MYH10: variants seen among roughly 807,000 people sequenced by gnomAD.
The protein encoded by MYH10 is myosin-10.
Under a neutral mutation model 257.8 loss-of-function variants are expected in MYH10, and 55 were observed. The ratio of observed to expected loss-of-function variants is 0.21; its 90% CI spans 0.17 to 0.27. The LOEUF (loss-of-function observed/expected upper bound fraction) is 0.27, where lower values mean the gene tolerates loss of function less well. Ranked by LOEUF, MYH10 falls within the 10% of genes least tolerant of loss-of-function variation. MYH10 has a pLI of 1.00. For missense variants in MYH10, 1,631 were observed against 2,500.6 expected, an observed-to-expected ratio of 0.65 and a Z score of 7.42; for synonymous variants, 854 against 921.7, an observed-to-expected ratio of 0.93 and a Z score of 1.33.
At chr17:8,493,910 C>T (rs1425650817) in intron 31 of MYH10, 25 bp from the exon 32 acceptor site, 4 of 1,586,908 alleles carry the variant, frequency 2.5e-6, no homozygotes, top group Non-Finnish European at 3.4e-6. Flanking sequence ...TAAAGGGCAA[C>T]ACTTCCATTA....
intron 7 of MYH10, among the ~76,000 whole-genome samples, chr17:8,557,044 C>G (rs1002074238): frequency 6.6e-6 from 1 of 152,052 alleles, no homozygotes; most frequent in Admixed American, 6.6e-5. Context: ...CTTTTACTTA[C>G]GACTTTAGGG....
intron 1 of MYH10, 182 bp from the exon 2 acceptor site, chr17:8,623,459 A>G (rs2085545134): frequency 7.5e-6 from 3 of 400,686 alleles, no homozygotes; most frequent in Non-Finnish European, 1.2e-5. Context: ...GTGACCACAA[A>G]TTATGGCTCT....
chr17:8,511,029 T>TATATATAC (rs1555578916), intron 24 of MYH10: 31 of 4,552 alleles, frequency 6.8e-3, no homozygotes, highest in Non-Finnish European at 0.04. Flanking sequence ...TATATATATA[T>TATATATAC]ATATATATAT....
intron 7 of MYH10, among the ~76,000 whole-genome samples, chr17:8,555,766 C>A (rs892648954): frequency 6.6e-6 from 1 of 152,072 alleles, no homozygotes; most frequent in African/African-American, 2.4e-5. Context: ...AAAGCATGAA[C>A]CATAAAATTA....
intron 7 of MYH10, chr17:8,561,046 A>T: frequency 1.7e-6 from 1 of 575,258 alleles, no homozygotes; most frequent in South Asian, 2.1e-5. Context: ...CCACTTGCTC[A>T]CAATATCCTG....
chr17:8,520,323 C>T (rs999938921), intron 19 of MYH10, among the ~76,000 whole-genome samples: 3 of 151,902 alleles, frequency 2.0e-5, no homozygotes, highest in African/African-American at 7.3e-5. Flanking sequence ...AGTGAAACCC[C>T]GTCTCTACTA....
At chr17:8,608,485 T>G (rs1188827183) in intron 2 of MYH10, among the ~76,000 whole-genome samples, 1 of 152,198 alleles carries the variant, frequency 6.6e-6, no homozygotes, top group Non-Finnish European at 1.5e-5. Flanking sequence ...GAAAAACAAC[T>G]GATTTGTGGG....
chr17:8,512,739 T>G (rs1423334895), intron 23 of MYH10, 82 bp from the exon 24 acceptor site: 1 of 1,112,352 alleles, frequency 9.0e-7, no homozygotes, highest in Non-Finnish European at 1.3e-6. Flanking sequence ...CAATGGTCAA[T>G]GCACATCAAA....
chr17:8,512,023 C>A (rs1165915849), intron 24 of MYH10, among the ~76,000 whole-genome samples: 1 of 152,194 alleles, frequency 6.6e-6, no homozygotes, highest in Admixed American at 6.5e-5. Context: ...TTTAAAAATT[C>A]TCATTCTGAC....
At position 8,623,217 on chromosome 17, in the gene MYH10, T is replaced by C. The variant is rs2085533975; in HGVS notation, c.30A>G (p.Pro10=). MAQRTGLED[P]ERYLFVDRAV... is the part of the protein sequence containing the mutation. ...CCCTGTCCACAAAGAGATACCTCTCTGGATCCTCGAGTCCAGTTCTCTGCG... is the reference window on the plus strand; with the variant it reads ...CCCTGTCCACAAAGAGATACCTCTCCGGATCCTCGAGTCCAGTTCTCTGCG... The change falls in exon 2 of 43, where the codon CCA becomes CCG. Residue 10 remains proline, a synonymous_variant. Coordinates refer to ENST00000360416, the MANE Select transcript of MYH10 (RefSeq NM_001256012.3). 1.2e-6 allele frequency: 2 copies of C among 1,601,060 alleles called. No individual in the cohort carries two copies.
chr17:8,580,860 AG>A (rs1275294023), intron 4 of MYH10, among the ~76,000 whole-genome samples: 1 of 152,204 alleles, frequency 6.6e-6, no homozygotes, highest in Non-Finnish European at 1.5e-5. Flanking sequence ...AAATAAGAAC[AG>A]ATAAAGATTA....
chr17:8,490,449 G>A lies in MYH10; in HGVS notation c.4775C>T (p.Ala1592Val). The change falls in exon 35 of 43, where the codon GCC (alanine) becomes GTC (valine). Residue 1592 changes from alanine to valine, a missense_variant. Physicochemically the swap from Ala to Val is moderately conservative, Grantham distance 64. Around this residue, in one of 11 missense-constraint regions of MYH10, gnomAD observed 463 missense variants for 621.8 expected, o/e 0.74. Transcript: ENST00000360416. The surrounding 1 kb of genome is among the most constrained non-coding windows in gnomAD (Gnocchi z 4.1). The part of the protein sequence containing the change: ...LEDELQATED[A>V]KLRLEVNMQA... ...CATGTTGACCTCCAGACGAAGCTTG[G>A]CATCTTCCGTGGCCTGGAGTTCGTC... is the stretch of plus-strand genomic sequence containing the variant. 1 of 1,614,202 alleles carries A rather than the reference G, an allele frequency of 6.2e-7. No individual in the cohort carries two copies. The highest frequency in any genetic ancestry group is 1.6e-4 in the Middle Eastern group (1 of 6,062).
intron 37 of MYH10, among the ~76,000 whole-genome samples, chr17:8,483,822 G>C (rs1195765191): frequency 6.6e-6 from 1 of 152,222 alleles, no homozygotes. Context: ...CACAGTTCTT[G>C]TGCTTATCAA....
chr17:8,556,431 G>A (rs986263382), intron 7 of MYH10, among the ~76,000 whole-genome samples: 1 of 152,212 alleles, frequency 6.6e-6, no homozygotes, highest in Non-Finnish European at 1.5e-5. Context: ...ACACTACTGA[G>A]CGATGACAAG....
At chr17:8,587,536 C>T (rs2152042285) in intron 4 of MYH10, among the ~76,000 whole-genome samples, 1 of 152,256 alleles carries the variant, frequency 6.6e-6, no homozygotes, top group East Asian at 1.9e-4. Flanking sequence ...CCCCTACTTA[C>T]CCGCATTGGT....
At position 8,520,862 on chromosome 17, in the gene MYH10, TAA is replaced by T; in HGVS notation, c.2273+14_2273+15del. The T allele has an allele frequency of 5.0e-6, 8 of 1,585,318 alleles. No homozygotes were observed. The highest frequency in any genetic ancestry group is 2.7e-5 in the African/African-American group (2 of 73,358). ...AACTCTGATACATAAGCAAAAAAAG[TAA>T]AAGTTAGCAATACCTCTGTCTGAAT... On this transcript the variant is annotated intron_variant, in intron 19 of 42. Transcript: ENST00000360416.
intron 14 of MYH10, among the ~76,000 whole-genome samples, chr17:8,538,190 TTA>T (rs1262616075): frequency 1.3e-5 from 2 of 152,164 alleles, no homozygotes; most frequent in African/African-American, 2.4e-5. Flanking sequence ...TTACAAAATG[TTA>T]TGTTTTTATT....
At chr17:8,597,295 G>C (rs750366518) in intron 3 of MYH10, among the ~76,000 whole-genome samples, 78 of 151,060 alleles carry the variant, frequency 5.2e-4, no homozygotes, top group Non-Finnish European at 1.0e-3. Flanking sequence ...GCAGTCTAAA[G>C]ATAGAAAGAC....
intron 14 of MYH10, among the ~76,000 whole-genome samples, chr17:8,536,993 T>C (rs767635376): frequency 6.6e-6 from 1 of 152,192 alleles, no homozygotes; most frequent in African/African-American, 2.4e-5. Flanking sequence ...CATCACTGAC[T>C]TGTAGTTTTA....
Sources: gnomAD v4.1 joint callset for allele counts (sites outside exome capture counted in the v4.1 genomes callset) on GRCh38, gnomAD v4.1.1 for gene constraint, gnomAD v4.1.1 regional missense constraint, Gnocchi (gnomAD v3.1) non-coding constraint, MANE v1.5 for transcripts, NCBI Gene and HGNC (gene_info 2026-07-23, HGNC 2026-07-21) for gene names.